The following KCTD8 variants were observed in gnomAD, a reference collection of about 807,000 sequenced individuals.
The protein encoded by KCTD8 is BTB/POZ domain-containing protein KCTD8.
Under a neutral mutation model 31.5 loss-of-function variants are expected in KCTD8, and 27 were observed. That is an observed-to-expected ratio of 0.86 (90% CI 0.63 to 1.18). The LOEUF is 1.18. Ranked by LOEUF, KCTD8 falls within the 50% of genes most tolerant of loss-of-function variation. The pLI, the probability that KCTD8 is intolerant of heterozygous loss-of-function variation, is 0.00. For missense variants in KCTD8, 658 were observed against 647.7 expected, an observed-to-expected ratio of 1.02 and a Z score of -0.17; for synonymous variants, 290 against 280.0, an observed-to-expected ratio of 1.04 and a Z score of -0.36.
intron 1 of KCTD8, among the ~76,000 whole-genome samples, chr4:44,395,074 T>C (rs1415616539): frequency 6.6e-6 from 1 of 152,064 alleles, no homozygotes; most frequent in African/African-American, 2.4e-5. Context: ...ACACAAAAGT[T>C]TTCCTGGGCA....
At chr4:44,415,738 G>T (rs1721064535) in intron 1 of KCTD8, among the ~76,000 whole-genome samples, 1 of 152,218 alleles carries the variant, frequency 6.6e-6, no homozygotes, top group South Asian at 2.1e-4. Flanking sequence ...GAATGCAAAA[G>T]TGAAGGTGGC....
intron 1 of KCTD8, among the ~76,000 whole-genome samples, chr4:44,282,297 A>T (rs1184474478): frequency 2.6e-5 from 4 of 152,090 alleles, no homozygotes; most frequent in Non-Finnish European, 5.9e-5. Flanking sequence ...TGTTATAATG[A>T]TCTTTGCTCA....
intron 1 of KCTD8, among the ~76,000 whole-genome samples, chr4:44,250,038 G>T (rs1271264959): frequency 6.6e-6 from 1 of 151,676 alleles, no homozygotes; most frequent in Non-Finnish European, 1.5e-5. Context: ...TTGCAGTCAG[G>T]TTTATCACTC....
intron 1 of KCTD8, among the ~76,000 whole-genome samples, chr4:44,355,243 T>C (rs990198350): frequency 1.3e-5 from 2 of 152,170 alleles, no homozygotes; most frequent in African/African-American, 4.8e-5. Flanking sequence ...TTCTGTCTTT[T>C]AAAACAGAGA....
intron 1 of KCTD8, among the ~76,000 whole-genome samples, chr4:44,217,821 C>A (rs1179509681): frequency 6.6e-6 from 1 of 152,168 alleles, no homozygotes; most frequent in Non-Finnish European, 1.5e-5. Flanking sequence ...CAGTGGTTTG[C>A]CAGGGGCTCT....
intron 1 of KCTD8, among the ~76,000 whole-genome samples, chr4:44,294,167 A>C (rs1717363741): frequency 6.6e-6 from 1 of 152,196 alleles, no homozygotes; most frequent in Non-Finnish European, 1.5e-5. Flanking sequence ...ATAAATATAC[A>C]AAGGGGAAGA....
intron 1 of KCTD8, among the ~76,000 whole-genome samples, chr4:44,373,463 G>C (rs916561658): frequency 6.6e-6 from 1 of 151,890 alleles, no homozygotes; most frequent in Admixed American, 6.6e-5. Context: ...TATGATTCTC[G>C]GTACCTAACC....
At chr4:44,395,755 G>A (rs1720487758) in intron 1 of KCTD8, among the ~76,000 whole-genome samples, 1 of 152,012 alleles carries the variant, frequency 6.6e-6, no homozygotes, top group South Asian at 2.1e-4. Flanking sequence ...TCTCACGGCT[G>A]TGTCAAGAGC....
At chr4:44,431,710 C>T (rs1427442544) in intron 1 of KCTD8, among the ~76,000 whole-genome samples, 2 of 151,538 alleles carry the variant, frequency 1.3e-5, no homozygotes, top group African/African-American at 4.8e-5. Context: ...ATTTTTCAGC[C>T]ATTCCTCTAA....
chr4:44,258,269 G>C (rs1263099683), intron 1 of KCTD8, among the ~76,000 whole-genome samples: 2 of 151,932 alleles, frequency 1.3e-5, no homozygotes, highest in Non-Finnish European at 2.9e-5. Context: ...TAAGTATTCA[G>C]TACATTCAGA....
At chr4:44,181,619 G>A (rs1286567663) in intron 1 of KCTD8, among the ~76,000 whole-genome samples, 1 of 152,154 alleles carries the variant, frequency 6.6e-6, no homozygotes, top group Non-Finnish European at 1.5e-5. Flanking sequence ...CCAGCCGCCT[G>A]CCTTGGCCTC....
At chr4:44,215,081 A>T (rs940517098) in intron 1 of KCTD8, among the ~76,000 whole-genome samples, 2 of 152,172 alleles carry the variant, frequency 1.3e-5, no homozygotes, top group Admixed American at 6.5e-5. Flanking sequence ...TTTCCAATCA[A>T]TCAACACTCC....
intron 1 of KCTD8, among the ~76,000 whole-genome samples, chr4:44,358,333 T>G (rs563122243): frequency 2.0e-5 from 3 of 152,202 alleles, no homozygotes; most frequent in Non-Finnish European, 4.4e-5. Context: ...TCTTTGCTAT[T>G]GTGAACAGTG....
At chr4:44,277,496 T>A (rs1180523672) in intron 1 of KCTD8, among the ~76,000 whole-genome samples, 2 of 151,864 alleles carry the variant, frequency 1.3e-5, no homozygotes, top group Non-Finnish European at 2.9e-5. Flanking sequence ...AGTACACTGT[T>A]GGTACGCTGC....
chr4:44,385,276 G>T (rs1164369243), intron 1 of KCTD8, among the ~76,000 whole-genome samples: 2 of 151,514 alleles, frequency 1.3e-5, no homozygotes, highest in African/African-American at 4.8e-5. Context: ...TAAATTTTAG[G>T]TCTCACATTT....
At chr4:44,299,572 AC>A (rs1711889208) in intron 1 of KCTD8, among the ~76,000 whole-genome samples, 1 of 152,026 alleles carries the variant, frequency 6.6e-6, no homozygotes, top group Admixed American at 6.5e-5. Flanking sequence ...TTCTAAACAT[AC>A]AAAAATTAGC....
intron 1 of KCTD8, among the ~76,000 whole-genome samples, chr4:44,186,095 A>G (rs1352427585): frequency 6.6e-6 from 1 of 152,142 alleles, no homozygotes; most frequent in Non-Finnish European, 1.5e-5. Context: ...CTGGGCCTAT[A>G]AAAACCCCAA....
chr4:44,265,056 A>C (rs1184516663), intron 1 of KCTD8, among the ~76,000 whole-genome samples: 1 of 152,190 alleles, frequency 6.6e-6, no homozygotes, highest in Non-Finnish European at 1.5e-5. Context: ...CCCAGCACGC[A>C]GCTGGAGATC....
chr4:44,310,563 G>A (rs1282024933), intron 1 of KCTD8, among the ~76,000 whole-genome samples: 1 of 151,990 alleles, frequency 6.6e-6, no homozygotes, highest in African/African-American at 2.4e-5. Flanking sequence ...AAGATCATAG[G>A]CTTTCTATTT....
Sources: allele counts gnomAD v4.1 joint callset (sites outside exome capture counted in the v4.1 genomes callset), GRCh38; gene constraint gnomAD v4.1.1; transcripts MANE v1.5; gene names NCBI Gene and HGNC (gene_info 2026-07-23, HGNC 2026-07-21).